Variants in JADE3 observed in about 807,000 individuals in gnomAD.
The protein encoded by JADE3 is protein Jade-3.
JADE3 carries 2 observed loss-of-function variants against 50.1 expected under a neutral mutation model. The ratio of observed to expected loss-of-function variants is 0.04; its 90% confidence interval spans 0.02 to 0.13. The LOEUF is 0.13. Ranked by LOEUF, JADE3 falls within the 10% of genes least tolerant of loss-of-function variation. The pLI is 1.00. For missense variants in JADE3, 475 were observed against 634.4 expected, an observed-to-expected ratio of 0.75 and a Z score of 2.70; for synonymous variants, 218 against 232.9, an observed-to-expected ratio of 0.94 and a Z score of 0.58.
chrX:47,002,784 T>C (rs188103940), intron 4 of JADE3, among the ~76,000 whole-genome samples: 11 of 111,664 alleles, frequency 9.9e-5, no homozygotes, highest in African/African-American at 2.6e-4. Flanking sequence ...CTGTTTACTT[T>C]TTATTTCTTT....
rs782410121 is a variant in JADE3 at position 47,058,443 on chromosome X, G to A, written c.1838G>A (p.Arg613Lys). 6.6e-6 allele frequency: 8 copies of A among 1,209,614 alleles called. No individual in the cohort carries two copies. Among genetic ancestry groups the A allele is most frequent in the Admixed American group, 6.6e-5 (3 of 45,590 alleles). ...NRLLASLSHS[R>K]SEAKESSPAW... ...TTGCTGGCCAGTCTCAGCCATTCTA[G>A]GAGTGAAGCAAAGGAGTCCAGTCCT... The change falls in exon 11 of 11, where the codon AGG (arginine) becomes AAG (lysine). Residue 613 changes from arginine to lysine, a missense_variant. Arg to Lys is a conservative substitution (Grantham distance 26). Around this residue, in one of 6 missense-constraint regions of JADE3, gnomAD observed 243 missense variants for 238.2 expected, o/e 1.02. Transcript: ENST00000614628.
At chrX:47,049,755 C>CTTTT (rs536912145) in intron 8 of JADE3, among the ~76,000 whole-genome samples, 32 of 55,861 alleles carry the variant, frequency 5.7e-4, no homozygotes, top group East Asian at 1.1e-3. Context: ...TCTTCTTCTT[C>CTTTT]TTTTTTTTTT....
At chrX:47,049,755 C>CTT (rs536912145) in intron 8 of JADE3, among the ~76,000 whole-genome samples, 1,304 of 55,627 alleles carry the variant, frequency 0.023, 15 homozygotes, top group African/African-American at 0.042. Context: ...TCTTCTTCTT[C>CTT]TTTTTTTTTT....
intron 4 of JADE3, among the ~76,000 whole-genome samples, chrX:47,012,087 C>T (rs974468822): frequency 3.6e-5 from 4 of 111,813 alleles, no homozygotes; most frequent in Admixed American, 2.9e-4. Context: ...CATCCATGCA[C>T]ACCTCCTATG....
At chrX:46,959,695 A>G (rs1350154730) in intron 1 of JADE3, among the ~76,000 whole-genome samples, 1 of 110,389 alleles carries the variant, frequency 9.1e-6, no homozygotes, top group African/African-American at 3.3e-5. Context: ...GGATAGGGTG[A>G]TGATGAGCAG....
At chrX:46,985,062 GA>G (rs782601777) in intron 2 of JADE3, 122 bp downstream of exon 2, 10 of 523,175 alleles carry the variant, frequency 1.9e-5, no homozygotes, top group Non-Finnish European at 2.6e-5. Context: ...TTCTGAGAAG[GA>G]AAATTCAGGG....
chrX:46,942,982 C>T (rs1159025850), intron 1 of JADE3, among the ~76,000 whole-genome samples: 4 of 111,731 alleles, frequency 3.6e-5, no homozygotes, highest in African/African-American at 1.3e-4. Context: ...AATGGGATTG[C>T]ATTCTTGATT....
chrX:47,005,442 C>T (rs781833590), intron 4 of JADE3, among the ~76,000 whole-genome samples: 17 of 111,168 alleles, frequency 1.5e-4, no homozygotes, highest in Non-Finnish European at 3.0e-4. Flanking sequence ...GGTTTCACCA[C>T]GTTGGCCGGG....
chrX:47,006,373 T>C (rs944835121), intron 4 of JADE3, among the ~76,000 whole-genome samples: 2 of 110,333 alleles, frequency 1.8e-5, no homozygotes, highest in African/African-American at 6.6e-5. Flanking sequence ...AGCCTGGACC[T>C]TTTGGGCTCA....
intron 1 of JADE3, among the ~76,000 whole-genome samples, chrX:46,978,756 G>A (rs1569536199): frequency 2.7e-5 from 3 of 111,276 alleles, no homozygotes; most frequent in Non-Finnish European, 5.7e-5. Flanking sequence ...GATCAACTTG[G>A]AGTGCTCATT....
chrX:47,042,975 C>T (rs1357669771), intron 8 of JADE3, among the ~76,000 whole-genome samples: 1 of 111,547 alleles, frequency 9.0e-6, no homozygotes, highest in Admixed American at 9.5e-5. Context: ...TTGTATTAGC[C>T]CTCCTCCATC....
chrX:47,052,402 C>T (rs186516131), intron 8 of JADE3, among the ~76,000 whole-genome samples: 3 of 108,832 alleles, frequency 2.8e-5, no homozygotes, highest in East Asian at 2.9e-4. Context: ...CATGCTGAGG[C>T]GGGCGGATCA....
At chrX:47,042,585 A>G (rs935659166) in intron 8 of JADE3, among the ~76,000 whole-genome samples, 5 of 112,093 alleles carry the variant, frequency 4.5e-5, no homozygotes, top group Admixed American at 1.9e-4. Flanking sequence ...AATTTTGATT[A>G]TAAGGAATTT....
intron 3 of JADE3, among the ~76,000 whole-genome samples, chrX:46,997,336 C>T (rs1556357653): frequency 2.7e-5 from 3 of 109,807 alleles, no homozygotes; most frequent in Non-Finnish European, 3.8e-5. Flanking sequence ...AACCCTGCCT[C>T]TACAAAAATT....
intron 7 of JADE3, among the ~76,000 whole-genome samples, chrX:47,036,876 G>A (rs1342860942): frequency 2.5e-5 from 2 of 80,375 alleles, no homozygotes; most frequent in African/African-American, 4.7e-5. Flanking sequence ...ACCAAACACC[G>A]CATATTCTCA....
Position 47,059,327 on chromosome X carries a change from T to G in JADE3, c.*250T>G. ...TTGGGAACAGCTGGGCCCAGGGTAT[T>G]TGCTCAGTAAATATTTTGGGGCAGC... On this transcript the variant is annotated 3_prime_UTR_variant, in exon 11 of 11. Transcript: ENST00000614628. The G allele has an allele frequency of 3.1e-6, 1 of 323,593 alleles. No homozygotes were observed. The highest frequency in any genetic ancestry group is 5.3e-6 in the Non-Finnish European group (1 of 187,357). 26.7% of individuals were successfully genotyped at this position (323,593 alleles called of 1,213,427 possible).
Position 47,059,887 on chromosome X carries a change from G to A in JADE3, c.*810G>A, listed in dbSNP as rs981852033. 2 of 112,298 alleles carry A rather than the reference G, an allele frequency of 1.8e-5. No individual in the cohort carries two copies. The highest frequency in any genetic ancestry group is 3.2e-5 in the African/African-American group (1 of 30,835). 9.3% of individuals were successfully genotyped at this position (112,298 alleles called of 1,213,427 possible). A position where few individuals can be genotyped will look rare whatever the true frequency, so the allele number is the denominator to read the frequency against. ...TCTGGGGTATTTGTACCAGGTCAGG[G>A]TTTTTGTGTTGTTTTCAAATAAGTT... On this transcript the variant is annotated 3_prime_UTR_variant, in exon 11 of 11. Transcript: ENST00000614628.
chrX:47,011,538 T>C (rs782245560), intron 4 of JADE3, among the ~76,000 whole-genome samples: 1 of 111,909 alleles, frequency 8.9e-6, no homozygotes, highest in East Asian at 2.8e-4. Context: ...TCATTTCTCT[T>C]GGGTACATAC....
In JADE3 at chrX:47,060,424, A is replaced by G. The variant is rs1022605437; in HGVS notation, c.*1347A>G. On this transcript the variant is annotated 3_prime_UTR_variant, in exon 11 of 11. Transcript: ENST00000614628. ...ATTCAGACAAAAGAGGCCATTTTCC[A>G]TTTTTAAAGCTTCTTACTGGTGAAA... 3 of 111,675 alleles carry G rather than the reference A, an allele frequency of 2.7e-5. No homozygotes were observed. In the Admixed American group the frequency reaches 2.9e-4, roughly 11 times the overall value. The allele number at this position is 111,675 out of a possible 1,213,427, so 9.2% of individuals were successfully genotyped here. A position where few individuals can be genotyped will look rare whatever the true frequency, so the allele number is the denominator to read the frequency against.
Sources: gnomAD v4.1 joint callset for allele counts (sites outside exome capture counted in the v4.1 genomes callset) on GRCh38, gnomAD v4.1.1 for gene constraint, gnomAD v4.1.1 regional missense constraint, MANE v1.5 for transcripts, NCBI Gene and HGNC (gene_info 2026-07-23, HGNC 2026-07-21) for gene names.